The following HEMK2 variants were observed in gnomAD, a reference collection of about 807,000 sequenced individuals.
The protein encoded by HEMK2 is HemK methyltransferase 2, ETF1 glutamine and histone H4 lysine, also known as methyltransferase HEMK2.
the HEMK2 span, among the ~76,000 whole-genome samples, chr21:28,829,285 G>T: frequency 6.6e-6 from 1 of 152,206 alleles, no homozygotes; most frequent in Non-Finnish European, 1.5e-5. Context: ...AGGTTTGAAT[G>T]TGTCCCTCAG....
the HEMK2 span, among the ~76,000 whole-genome samples, chr21:28,845,570 C>T: frequency 6.6e-6 from 1 of 151,958 alleles, no homozygotes; most frequent in African/African-American, 2.4e-5. Flanking sequence ...TATGCCTTTC[C>T]ATTTGTTCAA....
the HEMK2 span, among the ~76,000 whole-genome samples, chr21:28,646,600 A>C: frequency 6.6e-6 from 1 of 152,206 alleles, no homozygotes; most frequent in African/African-American, 2.4e-5. Flanking sequence ...GACAATGTTC[A>C]GTCAGATGGC....
the HEMK2 span, among the ~76,000 whole-genome samples, chr21:28,770,887 A>G: frequency 2.0e-5 from 3 of 152,082 alleles, no homozygotes; most frequent in African/African-American, 7.2e-5. Context: ...TCCTCTTAGA[A>G]TATCTCCTGA....
At chr21:28,847,081 A>C in the HEMK2 span, among the ~76,000 whole-genome samples, 1 of 152,166 alleles carries the variant, frequency 6.6e-6, no homozygotes, top group Admixed American at 6.5e-5. Flanking sequence ...ATTGTGAATA[A>C]TGCTGTGATG....
the HEMK2 span, among the ~76,000 whole-genome samples, chr21:28,805,427 A>G: frequency 6.6e-6 from 1 of 152,332 alleles, no homozygotes; most frequent in East Asian, 1.9e-4. Context: ...TGAGAATCAC[A>G]TCCTATTTTC....
the HEMK2 span, among the ~76,000 whole-genome samples, chr21:28,677,647 C>A: frequency 2.0e-5 from 3 of 152,200 alleles, no homozygotes; most frequent in African/African-American, 4.8e-5. Context: ...AGGCACCCCC[C>A]AGTAGGGGCA....
the HEMK2 span, among the ~76,000 whole-genome samples, chr21:28,834,292 A>T: frequency 2.0e-5 from 3 of 152,234 alleles, no homozygotes; most frequent in Non-Finnish European, 2.9e-5. Flanking sequence ...GGAAGCAGAC[A>T]GCTCCTACAG....
chr21:28,749,645 A>T, the HEMK2 span, among the ~76,000 whole-genome samples: 1 of 152,234 alleles, frequency 6.6e-6, no homozygotes, highest in Non-Finnish European at 1.5e-5. Context: ...TCGTCAGAGT[A>T]TGATCCTCTA....
chr21:28,741,578 G>C, the HEMK2 span, among the ~76,000 whole-genome samples: 1 of 151,990 alleles, frequency 6.6e-6, no homozygotes, highest in African/African-American at 2.4e-5. Context: ...AGGCCCCAGC[G>C]GGTGTTGTTC....
At chr21:28,772,145 T>A in the HEMK2 span, among the ~76,000 whole-genome samples, 1 of 152,052 alleles carries the variant, frequency 6.6e-6, no homozygotes, top group Non-Finnish European at 1.5e-5. Flanking sequence ...GGTTCTGAAA[T>A]CAAAGCCTAA....
chr21:28,751,464 G>A, the HEMK2 span, among the ~76,000 whole-genome samples: 1 of 152,190 alleles, frequency 6.6e-6, no homozygotes, highest in Admixed American at 6.5e-5. Flanking sequence ...ATTAATGTCA[G>A]AGCATGTACC....
At chr21:28,833,434 A>G in the HEMK2 span, among the ~76,000 whole-genome samples, 2 of 152,226 alleles carry the variant, frequency 1.3e-5, no homozygotes, top group East Asian at 3.8e-4. Context: ...GGATGTGACA[A>G]ATCCAGTAAT....
chr21:28,696,774 C>A, the HEMK2 span, among the ~76,000 whole-genome samples: 12 of 152,262 alleles, frequency 7.9e-5, no homozygotes, highest in African/African-American at 2.9e-4. Context: ...AATTTCCATA[C>A]ATCCTCTGAA....
the HEMK2 span, among the ~76,000 whole-genome samples, chr21:28,685,751 T>A: frequency 6.6e-6 from 1 of 152,146 alleles, no homozygotes. Context: ...AGGTGACTGT[T>A]GTTTTAAAGG....
chr21:28,771,027 C>G, the HEMK2 span, among the ~76,000 whole-genome samples: 1 of 151,970 alleles, frequency 6.6e-6, no homozygotes, highest in African/African-American at 2.4e-5. Flanking sequence ...ACACGCGCAA[C>G]TTACTGGAAT....
the HEMK2 span, among the ~76,000 whole-genome samples, chr21:28,720,218 T>C: frequency 6.6e-6 from 1 of 152,124 alleles, no homozygotes; most frequent in Non-Finnish European, 1.5e-5. Flanking sequence ...GAAACACACA[T>C]AAGGTATGTG....
At chr21:28,754,242 A>G in the HEMK2 span, among the ~76,000 whole-genome samples, 2 of 152,232 alleles carry the variant, frequency 1.3e-5, no homozygotes, top group African/African-American at 4.8e-5. Flanking sequence ...AAGAATGGAA[A>G]TTCAATCGGT....
At chr21:28,761,406 T>G in the HEMK2 span, among the ~76,000 whole-genome samples, 10 of 152,186 alleles carry the variant, frequency 6.6e-5, no homozygotes, top group Non-Finnish European at 1.2e-4. Flanking sequence ...CAAGGACCTG[T>G]GTTGAGCAGG....
chr21:28,576,469 C>T, the HEMK2 span, among the ~76,000 whole-genome samples: 2 of 151,692 alleles, frequency 1.3e-5, no homozygotes, highest in Admixed American at 6.6e-5. Context: ...TTTAAAATAT[C>T]AACACAAGTT....
Sources: allele counts gnomAD v4.1 joint callset (sites outside exome capture counted in the v4.1 genomes callset), GRCh38; gene constraint gnomAD v4.1.1; transcripts MANE v1.5; gene names NCBI Gene and HGNC (gene_info 2026-07-23, HGNC 2026-07-21).